STIM1: variants seen among roughly 807,000 people sequenced by gnomAD.
STIM1 encodes stromal interaction molecule 1.
Under a neutral mutation model 74.7 loss-of-function variants are expected in STIM1, and 25 were observed. That is an observed-to-expected ratio of 0.33 (90% CI 0.24 to 0.47). The LOEUF (loss-of-function observed/expected upper bound fraction) is 0.47, where lower values mean the gene tolerates loss of function less well. STIM1 is among the 20% of genes least tolerant of loss of function. STIM1 has a pLI of 1.00. For synonymous variants in STIM1, 328 were observed against 348.8 expected (o/e 0.94, Z 0.66); for missense variants, 728 against 920.8 (o/e 0.79, Z 2.71).
intron 1 of STIM1, among the ~76,000 whole-genome samples, chr11:3,884,825 A>G (rs1468267757): frequency 6.6e-6 from 1 of 152,090 alleles, no homozygotes; most frequent in Admixed American, 6.5e-5. Flanking sequence ...AATCTTATTT[A>G]GCCATTAAAT....
At chr11:3,982,687 A>G (rs868470713) in intron 2 of STIM1, among the ~76,000 whole-genome samples, 2 of 152,182 alleles carry the variant, frequency 1.3e-5, no homozygotes, top group Non-Finnish European at 2.9e-5. Flanking sequence ...GGCTGATGAT[A>G]ATGTTCTAAA....
chr11:3,881,532 G>A (rs542956742), intron 1 of STIM1, among the ~76,000 whole-genome samples: 5 of 151,962 alleles, frequency 3.3e-5, no homozygotes, highest in East Asian at 3.9e-4. Context: ...CACAGCACCC[G>A]GCTAATTTTT....
intron 5 of STIM1, among the ~76,000 whole-genome samples, chr11:4,064,296 T>C (rs2133130739): frequency 6.6e-6 from 1 of 152,316 alleles, no homozygotes; most frequent in African/African-American, 2.4e-5. Context: ...GCTGGGTGTT[T>C]ACAAAAAGTC....
intron 1 of STIM1, among the ~76,000 whole-genome samples, chr11:3,864,104 C>T (rs2090751070): frequency 6.6e-6 from 1 of 152,012 alleles, no homozygotes; most frequent in African/African-American, 2.4e-5. Flanking sequence ...TCAAGGCTTA[C>T]TGTGGGCCAT....
intron 3 of STIM1, among the ~76,000 whole-genome samples, chr11:4,024,466 C>T (rs1448969156): frequency 6.6e-6 from 1 of 152,224 alleles, no homozygotes; most frequent in Admixed American, 6.5e-5. Context: ...TGGTTGAAAG[C>T]TCCTGAGTCT....
At chr11:3,894,033 C>G (rs1003994267) in intron 1 of STIM1, among the ~76,000 whole-genome samples, 3 of 152,012 alleles carry the variant, frequency 2.0e-5, no homozygotes, top group East Asian at 1.9e-4. Context: ...GCCCACCTCC[C>G]GAAATGTTGG....
chr11:3,877,699 A>G (rs956094223), intron 1 of STIM1, among the ~76,000 whole-genome samples: 2 of 152,186 alleles, frequency 1.3e-5, no homozygotes, highest in African/African-American at 4.8e-5. Context: ...TAACTCTAGC[A>G]GGCCGAGGGC....
intron 3 of STIM1, among the ~76,000 whole-genome samples, chr11:4,039,525 G>GC (rs1249309243): frequency 2.2e-5 from 3 of 138,980 alleles, no homozygotes; most frequent in Non-Finnish European, 4.6e-5. Flanking sequence ...GGCAGAGGTT[G>GC]CAGTGAGCTG....
At chr11:3,946,504 TC>T (rs1353147178) in intron 1 of STIM1, among the ~76,000 whole-genome samples, 1 of 152,144 alleles carries the variant, frequency 6.6e-6, no homozygotes, top group Non-Finnish European at 1.5e-5. Flanking sequence ...TTGAGATTAT[TC>T]TTAGCATTTC....
rs78285130 is a variant in STIM1, at chr11:3,956,823, C to CAAAAAAAAAAAA, written c.140-10712_140-10701dup. On this transcript the variant is annotated intron_variant, in intron 1 of 12. Coordinates refer to ENST00000526596, the MANE Select transcript of STIM1 (RefSeq NM_001382567.1). ...GGGTGACAGAGCAAGACCCTGTCTC[C>CAAAAAAAAAAAA]AAAAAAAAAAAAAAAAAAAAAAAAA... Among the ~76,000 whole-genome samples the CAAAAAAAAAAAA allele has an allele frequency of 3.7e-4, 14 of 38,198 alleles. 1 individual carries two copies. The highest frequency in any genetic ancestry group is 2.5e-3 in the East Asian group (3 of 1,210). The allele number at this position is 38,198 out of a possible 152,430, so 25.1% of individuals were successfully genotyped here.
intron 3 of STIM1, among the ~76,000 whole-genome samples, chr11:4,041,645 CAG>C (rs2094148456): frequency 6.6e-6 from 1 of 151,762 alleles, no homozygotes. Flanking sequence ...TGCTATCACT[CAG>C]GGTGGAGTGG....
At chr11:3,912,943 C>A (rs1029902333) in intron 1 of STIM1, among the ~76,000 whole-genome samples, 2 of 152,132 alleles carry the variant, frequency 1.3e-5, no homozygotes, top group African/African-American at 4.8e-5. Context: ...TTCCCTTTTT[C>A]CCTTCCTGCT....
intron 1 of STIM1, among the ~76,000 whole-genome samples, chr11:3,935,342 C>T (rs987423270): frequency 6.6e-5 from 10 of 152,204 alleles, no homozygotes; most frequent in Admixed American, 2.6e-4. Context: ...CACTGGTCTT[C>T]CAACTCCCTG....
At chr11:3,861,645 TCA>T (rs1202199398) in intron 1 of STIM1, among the ~76,000 whole-genome samples, 5 of 152,198 alleles carry the variant, frequency 3.3e-5, no homozygotes, top group African/African-American at 1.2e-4. Context: ...GATGACAAAA[TCA>T]CAGTTATTGC....
At chr11:3,962,797 T>A (rs748522412) in intron 1 of STIM1, among the ~76,000 whole-genome samples, 1 of 152,212 alleles carries the variant, frequency 6.6e-6, no homozygotes, top group Non-Finnish European at 1.5e-5. Context: ...ATACAAAGAC[T>A]TTAGCAATTG....
chr11:4,080,337 G>T (rs1176958429), intron 7 of STIM1, among the ~76,000 whole-genome samples: 1 of 152,132 alleles, frequency 6.6e-6, no homozygotes, highest in Non-Finnish European at 1.5e-5. Flanking sequence ...CAAGAACTCT[G>T]ACTTGCCCAT....
chr11:3,920,394 T>C (rs1425548297), intron 1 of STIM1, among the ~76,000 whole-genome samples: 1 of 152,246 alleles, frequency 6.6e-6, no homozygotes, highest in Non-Finnish European at 1.5e-5. Flanking sequence ...TGGCAATCAT[T>C]AGTCTACTTT....
chr11:3,921,599 T>C (rs1321290269), intron 1 of STIM1, among the ~76,000 whole-genome samples: 1 of 152,188 alleles, frequency 6.6e-6, no homozygotes, highest in East Asian at 1.9e-4. Context: ...TGGATATACT[T>C]GGTTTTAAAA....
intron 2 of STIM1, among the ~76,000 whole-genome samples, chr11:4,014,617 G>A (rs1285169159): frequency 2.0e-5 from 3 of 152,166 alleles, no homozygotes; most frequent in Non-Finnish European, 4.4e-5. Flanking sequence ...TTAATTTTCT[G>A]TCTTGTTTAT....
Sources: allele counts gnomAD v4.1 joint callset (sites outside exome capture counted in the v4.1 genomes callset), GRCh38; gene constraint gnomAD v4.1.1; transcripts MANE v1.5; gene names NCBI Gene and HGNC (gene_info 2026-07-23, HGNC 2026-07-21).